The following KATNAL1 variants were observed in gnomAD, a reference collection of about 807,000 sequenced individuals.
KATNAL1 encodes the protein katanin catalytic subunit A1 like 1.
A neutral mutation model predicts 55.2 loss-of-function variants in KATNAL1; 32 were observed. The ratio of observed to expected loss-of-function variants is 0.58; its 90% confidence interval spans 0.44 to 0.78. The LOEUF (loss-of-function observed/expected upper bound fraction) is 0.78. KATNAL1 is among the 30% of genes least tolerant of loss of function. The pLI, the probability that KATNAL1 is intolerant of heterozygous loss-of-function variation, is 0.00. For synonymous variants in KATNAL1, 193 were observed against 193.6 expected (o/e 1.00, Z 0.02); for missense variants, 466 against 600.9 (o/e 0.78, Z 2.35).
At chr13:30,304,395 G>A (rs1028071461) in intron 1 of KATNAL1, among the ~76,000 whole-genome samples, 2 of 151,702 alleles carry the variant, frequency 1.3e-5, no homozygotes, top group Admixed American at 1.3e-4. Flanking sequence ...TCAGCCTCCT[G>A]AGTAGCTGGG....
Position 30,205,750 on chromosome 13 carries a change from C to CTCTGTGTGTGTG in KATNAL1, c.*2789_*2790insCACACACACAGA, listed in dbSNP as rs146509188. On this transcript the variant is annotated 3_prime_UTR_variant, in exon 11 of 11. Transcript: ENST00000380615. The stretch of plus-strand genomic sequence containing the variant: ...AACACACTGTCTTCTGCAATAAAGA[C>CTCTGTGTGTGTG]TGTGTGTGTGTGTGTGTGTGTGTGT... The CTCTGTGTGTGTG allele has an allele frequency of 9.5e-5, 13 of 137,496 alleles. No individual in the cohort carries two copies. The highest frequency in any genetic ancestry group is 3.6e-4 in the African/African-American group (13 of 35,948). 8.5% of individuals were successfully genotyped at this position (137,496 alleles called of 1,614,324 possible). A position where few individuals can be genotyped will look rare whatever the true frequency, so the allele number is the denominator to read the frequency against.
At chr13:30,269,085 C>G (rs574167414) in intron 3 of KATNAL1, among the ~76,000 whole-genome samples, 26 of 152,262 alleles carry the variant, frequency 1.7e-4, no homozygotes, top group Admixed American at 2.6e-4. Context: ...CCCCTCTCCC[C>G]ACGGTCTCTC....
chr13:30,267,324 G>A (rs1189936884), intron 3 of KATNAL1, among the ~76,000 whole-genome samples: 4 of 152,114 alleles, frequency 2.6e-5, no homozygotes, highest in East Asian at 1.9e-4. Context: ...AGTGTCAGTT[G>A]AACTTTAGAT....
At position 30,277,709 on chromosome 13, in the gene KATNAL1, C is replaced by T. The variant is rs188928199; in HGVS notation, c.323+2354G>A. 3.5e-4 allele frequency among the ~76,000 whole-genome samples: 54 copies of T among 152,236 alleles called. 1 individual carries two copies. The highest frequency in any genetic ancestry group is 3.5e-3 in the Admixed American group (53 of 15,292). On this transcript the variant is annotated intron_variant, in intron 3 of 10. Coordinates refer to ENST00000380615, the MANE Select transcript of KATNAL1 (RefSeq NM_032116.5). ...AGCATAAGATTTAATTCAGGCCGGG[C>T]ACGGTGGCTCACGCCTGTAATCCCA...
At chr13:30,306,330 G>A (rs1426760445) in intron 1 of KATNAL1, among the ~76,000 whole-genome samples, 1 of 152,014 alleles carries the variant, frequency 6.6e-6, no homozygotes, top group Non-Finnish European at 1.5e-5. Flanking sequence ...GAGAAATTCT[G>A]AATAACACTG....
intron 1 of KATNAL1, among the ~76,000 whole-genome samples, chr13:30,301,977 TC>T (rs1882884920): frequency 1.3e-5 from 2 of 152,094 alleles, no homozygotes; most frequent in Admixed American, 6.5e-5. Context: ...TCTCAACCAA[TC>T]CTCCCACCTC....
chr13:30,235,830 C>T (rs1343682888), intron 6 of KATNAL1, among the ~76,000 whole-genome samples: 2 of 150,818 alleles, frequency 1.3e-5, no homozygotes, highest in Non-Finnish European at 2.9e-5. Flanking sequence ...CAAAAATCTG[C>T]ATATAACGTT....
intron 3 of KATNAL1, among the ~76,000 whole-genome samples, chr13:30,260,329 A>G (rs1245304580): frequency 1.3e-5 from 2 of 152,194 alleles, no homozygotes; most frequent in African/African-American, 4.8e-5. Flanking sequence ...TCCTCCTCCA[A>G]AGGAATGCAG....
At chr13:30,261,999 A>C (rs1207592295) in intron 3 of KATNAL1, among the ~76,000 whole-genome samples, 1 of 152,224 alleles carries the variant, frequency 6.6e-6, no homozygotes, top group Non-Finnish European at 1.5e-5. Flanking sequence ...GTAAAAGAAC[A>C]GAAATTATAA....
At chr13:30,272,070 C>A (rs1020081503) in intron 3 of KATNAL1, among the ~76,000 whole-genome samples, 1 of 152,086 alleles carries the variant, frequency 6.6e-6, no homozygotes, top group Non-Finnish European at 1.5e-5. Flanking sequence ...AGTCCTAATA[C>A]TGCAATGACT....
At chr13:30,244,206 T>C (rs1342470221) in intron 4 of KATNAL1, among the ~76,000 whole-genome samples, 5 of 152,084 alleles carry the variant, frequency 3.3e-5, no homozygotes, top group Admixed American at 6.6e-5. Flanking sequence ...CTGTGTTAGT[T>C]TGCTGAGAAT....
At chr13:30,297,815 TG>T (rs554044879) in intron 1 of KATNAL1, among the ~76,000 whole-genome samples, 96 of 152,266 alleles carry the variant, frequency 6.3e-4, no homozygotes, top group Non-Finnish European at 1.2e-3. Context: ...AGCTAAACAT[TG>T]GATACTCCTA....
At chr13:30,265,689 C>T (rs1023180473) in intron 3 of KATNAL1, among the ~76,000 whole-genome samples, 1 of 150,908 alleles carries the variant, frequency 6.6e-6, no homozygotes, top group African/African-American at 2.4e-5. Flanking sequence ...TTTTAGAAGT[C>T]CCTTTTAAGA....
chr13:30,274,913 ACACACACAC>A (rs1880718487), intron 3 of KATNAL1, among the ~76,000 whole-genome samples: 1 of 118,156 alleles, frequency 8.5e-6, no homozygotes, highest in South Asian at 2.5e-4. Flanking sequence ...GCGCGCACAC[ACACACACAC>A]ACACACACAC....
At chr13:30,251,864 T>TA (rs1436928321) in intron 4 of KATNAL1, among the ~76,000 whole-genome samples, 1 of 152,168 alleles carries the variant, frequency 6.6e-6, no homozygotes, top group Non-Finnish European at 1.5e-5. Flanking sequence ...GATGACCCTG[T>TA]AGACCTCAGG....
At chr13:30,263,453 T>G in intron 3 of KATNAL1, among the ~76,000 whole-genome samples, 1 of 151,020 alleles carries the variant, frequency 6.6e-6, no homozygotes, top group Admixed American at 6.6e-5. Context: ...GACGACATGA[T>G]TGTATATCTA....
At chr13:30,227,598 CT>C (rs1875637815) in intron 8 of KATNAL1, 52 bp from the exon 9 acceptor site, 5 of 1,567,536 alleles carry the variant, frequency 3.2e-6, no homozygotes, top group African/African-American at 1.4e-5. Context: ...ACTCTTTATT[CT>C]TTCATTCAAT....
At chr13:30,253,044 G>A (rs1878473997) in intron 4 of KATNAL1, among the ~76,000 whole-genome samples, 1 of 152,130 alleles carries the variant, frequency 6.6e-6, no homozygotes, top group Non-Finnish European at 1.5e-5. Context: ...ACTGCCCCTG[G>A]CCCCAACACT....
At chr13:30,284,185 G>T (rs1359939698) in intron 1 of KATNAL1, among the ~76,000 whole-genome samples, 1 of 152,096 alleles carries the variant, frequency 6.6e-6, no homozygotes, top group Non-Finnish European at 1.5e-5. Flanking sequence ...AGTCAAAATA[G>T]TTACCATTCT....
Sources: allele counts gnomAD v4.1 joint callset (sites outside exome capture counted in the v4.1 genomes callset), GRCh38; gene constraint gnomAD v4.1.1; transcripts MANE v1.5; gene names NCBI Gene and HGNC (gene_info 2026-07-23, HGNC 2026-07-21).